PPARGC1A: variants seen among roughly 807,000 people sequenced by gnomAD.
PPARGC1A encodes PPARG coactivator 1 alpha.
A neutral mutation model predicts 88.7 loss-of-function variants in PPARGC1A; 25 were observed. That is an observed-to-expected ratio of 0.28 (90% CI 0.21 to 0.39). The LOEUF is 0.39. PPARGC1A is among the 10% of genes least tolerant of loss of function. The pLI, the probability that PPARGC1A is intolerant of heterozygous loss-of-function variation, is 1.00. For synonymous variants in PPARGC1A, 363 were observed against 355.6 expected, an observed-to-expected ratio of 1.02 and a Z score of -0.24; for missense variants, 880 against 968.7, an observed-to-expected ratio of 0.91 and a Z score of 1.22.
the PPARGC1A span, among the ~76,000 whole-genome samples, chr4:24,447,586 G>T: frequency 6.6e-6 from 1 of 152,184 alleles, no homozygotes; most frequent in African/African-American, 2.4e-5. Flanking sequence ...TTCTCACCTT[G>T]GAGTCCATGA....
chr4:24,270,004 A>G, the PPARGC1A span, among the ~76,000 whole-genome samples: 22 of 152,192 alleles, frequency 1.4e-4, no homozygotes, highest in Non-Finnish European at 2.4e-4. Context: ...TTCTGGGTGT[A>G]TTTATGAGAG....
chr4:23,960,048 C>A, the PPARGC1A span, among the ~76,000 whole-genome samples: 46 of 152,236 alleles, frequency 3.0e-4, 1 homozygote, highest in East Asian at 8.9e-3. Flanking sequence ...ACACACAACA[C>A]GGTATGATTT....
chr4:24,379,864 C>T, the PPARGC1A span, among the ~76,000 whole-genome samples: 6 of 151,396 alleles, frequency 4.0e-5, no homozygotes, highest in Non-Finnish European at 8.8e-5. Context: ...CTGCTATCTC[C>T]ACCTCCCGGG....
chr4:24,146,599 C>T, the PPARGC1A span, among the ~76,000 whole-genome samples: 1 of 152,192 alleles, frequency 6.6e-6, no homozygotes, highest in African/African-American at 2.4e-5. Context: ...TCTGCATCAG[C>T]GTTTTTTCCC....
the PPARGC1A span, among the ~76,000 whole-genome samples, chr4:24,149,511 C>T: frequency 7.9e-3 from 1,208 of 152,218 alleles, 11 homozygotes; most frequent in Non-Finnish European, 0.013. Context: ...GTTTTTATTA[C>T]TAATTTACTT....
chr4:24,453,353 G>C, the PPARGC1A span, among the ~76,000 whole-genome samples: 3 of 152,198 alleles, frequency 2.0e-5, no homozygotes, highest in African/African-American at 7.2e-5. Context: ...GTACAGCAAT[G>C]GCTGAAGATA....
chr4:23,895,319 T>TCTTTTC (rs1341774612), intron 1 of PPARGC1A, among the ~76,000 whole-genome samples: 1 of 151,232 alleles, frequency 6.6e-6, no homozygotes, highest in Non-Finnish European at 1.5e-5. Context: ...TATATTTTTT[T>TCTTTTC]CTTTTTCTTT....
At chr4:23,993,056 T>C in the PPARGC1A span, among the ~76,000 whole-genome samples, 1 of 152,216 alleles carries the variant, frequency 6.6e-6, no homozygotes, top group East Asian at 1.9e-4. Flanking sequence ...TACTATGTCC[T>C]TCCTTAAAAA....
chr4:23,966,859 G>C, the PPARGC1A span, among the ~76,000 whole-genome samples: 1 of 152,274 alleles, frequency 6.6e-6, no homozygotes, highest in Non-Finnish European at 1.5e-5. Flanking sequence ...ATTCAGAGGA[G>C]AGGGCTTCTG....
At chr4:23,889,286 A>C in intron 1 of PPARGC1A, 1 of 985,388 alleles carries the variant, frequency 1.0e-6, no homozygotes, top group Non-Finnish European at 1.2e-6. Flanking sequence ...TTGCACTGCC[A>C]GGCGTTTCTT....
chr4:24,254,327 C>T, the PPARGC1A span, among the ~76,000 whole-genome samples: 2 of 152,178 alleles, frequency 1.3e-5, no homozygotes, highest in Non-Finnish European at 2.9e-5. Context: ...AAAGAGGCCA[C>T]ACCAGGTTTG....
the PPARGC1A span, among the ~76,000 whole-genome samples, chr4:24,007,619 G>T: frequency 1.3e-5 from 2 of 152,130 alleles, no homozygotes; most frequent in African/African-American, 4.8e-5. Flanking sequence ...TTTTTTGGCA[G>T]ATTTAAGTAT....
At chr4:24,282,971 T>C in the PPARGC1A span, among the ~76,000 whole-genome samples, 85 of 152,230 alleles carry the variant, frequency 5.6e-4, no homozygotes, top group African/African-American at 1.8e-3. Flanking sequence ...ATTGATGAAA[T>C]GGCTACAGGT....
At chr4:24,027,196 A>AGTGTGTGTGTGTGTGTGTGTGT in the PPARGC1A span, among the ~76,000 whole-genome samples, 854 of 133,170 alleles carry the variant, frequency 6.4e-3, 4 homozygotes, top group Non-Finnish European at 8.5e-3. Context: ...ACCTCAGGCT[A>AGTGTGTGTGTGTGTGTGTGTGT]GTGTGTGTGT....
chr4:24,085,154 C>T, the PPARGC1A span, among the ~76,000 whole-genome samples: 1 of 152,020 alleles, frequency 6.6e-6, no homozygotes, highest in East Asian at 1.9e-4. Context: ...CAGGAAACAA[C>T]ATCAAACCTA....
At chr4:24,067,179 C>T in the PPARGC1A span, among the ~76,000 whole-genome samples, 1 of 152,036 alleles carries the variant, frequency 6.6e-6, no homozygotes, top group African/African-American at 2.4e-5. Context: ...AATGTGTCTT[C>T]TTGGCCATTA....
At chr4:24,222,496 G>A in the PPARGC1A span, among the ~76,000 whole-genome samples, 124,988 of 152,162 alleles carry the variant, frequency 0.82, 52,072 homozygotes, top group Middle Eastern at 0.93. Flanking sequence ...TCCAGCAAAT[G>A]GCCAATGCCA....
chr4:23,924,496 C>T, the PPARGC1A span, among the ~76,000 whole-genome samples: 54 of 152,176 alleles, frequency 3.5e-4, 2 homozygotes, highest in South Asian at 0.011. Flanking sequence ...CATGGTGGTG[C>T]CTGTAGTCCC....
the PPARGC1A span, among the ~76,000 whole-genome samples, chr4:24,129,711 G>T: frequency 6.6e-6 from 1 of 152,180 alleles, no homozygotes; most frequent in South Asian, 2.1e-4. Flanking sequence ...GTTTATTGTG[G>T]CACTATTCAC....
Sources: gnomAD v4.1 joint callset for allele counts (sites outside exome capture counted in the v4.1 genomes callset) on GRCh38, gnomAD v4.1.1 for gene constraint, MANE v1.5 for transcripts, NCBI Gene and HGNC (gene_info 2026-07-23, HGNC 2026-07-21) for gene names.